The following RPA3 variants were observed in gnomAD, a reference collection of about 807,000 sequenced individuals.
The protein encoded by RPA3 is replication protein A3, also known as replication protein A 14 kDa subunit.
RPA3 carries 24 observed loss-of-function variants against 13.7 expected under a neutral mutation model. The ratio of observed to expected loss-of-function variants is 1.75; its 90% CI spans 1.27 to 2.46. The LOEUF (loss-of-function observed/expected upper bound fraction) is 2.46. Ranked by LOEUF, RPA3 falls within the 30% of genes most tolerant of loss-of-function variation. RPA3 has a pLI of 0.00. For synonymous variants in RPA3, 59 were observed against 51.2 expected, an observed-to-expected ratio of 1.15 and a Z score of -0.65; for missense variants, 183 against 151.0, an observed-to-expected ratio of 1.21 and a Z score of -1.11.
chr7:7,715,828 T>C (rs1370999597), intron 1 of RPA3, among the ~76,000 whole-genome samples: 9 of 152,276 alleles, frequency 5.9e-5, no homozygotes, highest in Admixed American at 1.3e-4. Context: ...TCATATAAAA[T>C]AGAATAGCAT....
In RPA3 at chr7:7,696,209, G is replaced by T. The variant is rs190942055; in HGVS notation, c.-1027-8881C>A. 2.5e-3 allele frequency among the ~76,000 whole-genome samples: 372 copies of T among 151,156 alleles called. 1 individual carries two copies. Among genetic ancestry groups the T allele is most frequent in the African/African-American group, 8.7e-3 (357 of 41,178 alleles). On this transcript the variant is annotated intron_variant, in intron 2 of 7. Transcript: ENST00000223129. Reference sequence around the variant, plus strand: ...TTTGTAGAGATGGGGGTTTTGCCATGTTGCCCAGGCTACCAGTGTAATTTG... The same window carrying T: ...TTTGTAGAGATGGGGGTTTTGCCATTTTGCCCAGGCTACCAGTGTAATTTG...
At chr7:7,641,932 T>C (rs1461619201) in intron 4 of RPA3, among the ~76,000 whole-genome samples, 3 of 152,242 alleles carry the variant, frequency 2.0e-5, no homozygotes, top group Non-Finnish European at 4.4e-5. Context: ...TTGTCTTAGT[T>C]TTACTCACTA....
chr7:7,653,575 TCACA>T (rs1385381857), intron 4 of RPA3, among the ~76,000 whole-genome samples: 1 of 152,236 alleles, frequency 6.6e-6, no homozygotes, highest in Non-Finnish European at 1.5e-5. Flanking sequence ...TCATACCCAT[TCACA>T]GAGGAGTTAC....
At chr7:7,652,021 G>A (rs1291954455) in intron 4 of RPA3, among the ~76,000 whole-genome samples, 1 of 152,202 alleles carries the variant, frequency 6.6e-6, no homozygotes, top group Non-Finnish European at 1.5e-5. Flanking sequence ...TCTTGTCAGG[G>A]AGGGGTAGAA....
At chr7:7,703,760 C>T (rs996953725) in intron 2 of RPA3, among the ~76,000 whole-genome samples, 3 of 151,972 alleles carry the variant, frequency 2.0e-5, no homozygotes, top group South Asian at 2.1e-4. Flanking sequence ...GGCAACGTGG[C>T]GAAACCCCGT....
chr7:7,704,975 T>C (rs1052780491), intron 2 of RPA3, among the ~76,000 whole-genome samples: 14 of 152,178 alleles, frequency 9.2e-5, no homozygotes, highest in Admixed American at 4.6e-4. Flanking sequence ...AAACTCAGCA[T>C]GCCTTTACAG....
At chr7:7,717,494 T>G (rs1018476587) in intron 1 of RPA3, among the ~76,000 whole-genome samples, 3 of 152,250 alleles carry the variant, frequency 2.0e-5, no homozygotes, top group African/African-American at 7.2e-5. Flanking sequence ...GTATTTACTT[T>G]ATTAAATGAA....
intron 4 of RPA3, among the ~76,000 whole-genome samples, chr7:7,677,815 A>G: frequency 6.7e-6 from 1 of 149,192 alleles, no homozygotes; most frequent in East Asian, 1.9e-4. Flanking sequence ...CTGGGACTAC[A>G]GGCGCCCGCC....
rs972044324 is a variant in RPA3 at position 7,715,230 on chromosome 7, A to C, written c.-1079-4T>G. On this transcript the variant is annotated splice_polypyrimidine_tract_variant and splice_region_variant and intron_variant, in intron 1 of 7. Transcript: ENST00000223129. ...TTCACATCCTTTTTCTGAGTACCTGAGACAAAGTGAACTACAAGTAGGATA... is the reference window on the plus strand; with the variant it reads ...TTCACATCCTTTTTCTGAGTACCTGCGACAAAGTGAACTACAAGTAGGATA... The C allele has an allele frequency of 1.3e-5, 2 of 152,200 alleles. No homozygotes were observed. The highest frequency in any genetic ancestry group is 4.8e-5 in the African/African-American group (2 of 41,446). 9.4% of individuals were successfully genotyped at this position (152,200 alleles called of 1,614,324 possible).
chr7:7,679,923 T>C (rs192552699), intron 4 of RPA3, among the ~76,000 whole-genome samples: 65 of 152,024 alleles, frequency 4.3e-4, no homozygotes, highest in Non-Finnish European at 7.8e-4. Flanking sequence ...GAGTTCCTTA[T>C]ATATACTGAT....
At position 7,640,345 on chromosome 7, in the gene RPA3, A is replaced by G; in HGVS notation, c.74T>C (p.Val25Ala). 1 of 1,614,078 alleles carries G rather than the reference A, an allele frequency of 6.2e-7. No homozygotes were observed. The highest frequency in any genetic ancestry group is 8.5e-7 in the Non-Finnish European group (1 of 1,180,006). The stretch of plus-strand genomic sequence containing the variant: ...CTTTTCCAGCCTCCCTACGAAGCAG[A>G]CAGGCTTGTCGATGAATTGAGCTAG... The part of the protein sequence containing the change: ...GMLAQFIDKP[V>A]CFVGRLEKIH... Residue 25 changes from valine (V) to alanine (A), a missense_variant, in exon 5 of 8, where the codon GTC becomes GCC. Coordinates refer to ENST00000223129, the MANE Select transcript of RPA3 (RefSeq NM_002947.5).
intron 4 of RPA3, among the ~76,000 whole-genome samples, chr7:7,658,636 C>T (rs1378848573): frequency 2.6e-5 from 4 of 152,150 alleles, no homozygotes; most frequent in Admixed American, 2.0e-4. Context: ...TATGTTGAAC[C>T]AGCCTTGCAT....
At chr7:7,650,976 T>C (rs1369954419) in intron 4 of RPA3, among the ~76,000 whole-genome samples, 4 of 152,186 alleles carry the variant, frequency 2.6e-5, no homozygotes, top group East Asian at 1.9e-4. Flanking sequence ...AATCCCCATA[T>C]TTGCTCTCTT....
At chr7:7,669,908 G>A (rs1779563037) in intron 4 of RPA3, among the ~76,000 whole-genome samples, 1 of 151,842 alleles carries the variant, frequency 6.6e-6, no homozygotes, top group Admixed American at 6.6e-5. Flanking sequence ...TTGACTTTTG[G>A]AGCCTAAATT....
At chr7:7,677,756 C>G (rs1387588467) in intron 4 of RPA3, among the ~76,000 whole-genome samples, 1 of 144,838 alleles carries the variant, frequency 6.9e-6, no homozygotes, top group East Asian at 2.0e-4. Context: ...TCACTGCAAG[C>G]TCTGCCTCCC....
At chr7:7,643,863 C>T (rs1326225780) in intron 4 of RPA3, among the ~76,000 whole-genome samples, 6 of 152,104 alleles carry the variant, frequency 3.9e-5, no homozygotes, top group Admixed American at 1.3e-4. Context: ...AGTAAACTTC[C>T]ATTCCTGCTC....
intron 4 of RPA3, among the ~76,000 whole-genome samples, chr7:7,659,460 C>T (rs1785422230): frequency 6.6e-6 from 1 of 152,200 alleles, no homozygotes; most frequent in Non-Finnish European, 1.5e-5. Context: ...AAATTTTCCT[C>T]TAAACACTGC....
chr7:7,717,689 A>G (rs1182872962), intron 1 of RPA3, among the ~76,000 whole-genome samples: 1 of 152,218 alleles, frequency 6.6e-6, no homozygotes, highest in Non-Finnish European at 1.5e-5. Context: ...GTATTTGGAA[A>G]ACTACTTGTA....
Position 7,636,734 on chromosome 7 carries a change from T to G in RPA3, c.*266A>C. ...ACCGATAGTACGTACCATTTTAGTT[T>G]TTATTAATAAAATAGAAACTTAGAC... On this transcript the variant is annotated 3_prime_UTR_variant, in exon 8 of 8. Transcript: ENST00000223129. 2.9e-6 allele frequency: 1 copy of G among 348,758 alleles called. No homozygotes were observed. Among genetic ancestry groups the G allele is most frequent in the East Asian group, 6.2e-5 (1 of 16,158 alleles). The allele number at this position is 348,758 out of a possible 1,614,324, so 21.6% of individuals were successfully genotyped here.
Sources: allele counts gnomAD v4.1 joint callset (sites outside exome capture counted in the v4.1 genomes callset), GRCh38; gene constraint gnomAD v4.1.1; transcripts MANE v1.5; gene names NCBI Gene and HGNC (gene_info 2026-07-23, HGNC 2026-07-21).